Variants in COLEC10 observed in about 807,000 individuals in gnomAD.
The protein encoded by COLEC10 is collectin subfamily member 10.
COLEC10 carries 22 observed loss-of-function variants against 28.4 expected under a neutral mutation model. That is an observed-to-expected ratio of 0.78 (90% confidence interval 0.55 to 1.11). COLEC10 has a LOEUF of 1.11. COLEC10 is among the 50% of genes least tolerant of loss of function. The pLI, the probability that COLEC10 is intolerant of heterozygous loss-of-function variation, is 0.00. For missense variants in COLEC10, 361 were observed against 344.1 expected (o/e 1.05, Z -0.39); for synonymous variants, 125 against 116.1 (o/e 1.08, Z -0.49).
At chr8:119,096,429 T>TTCTCAG in intron 3 of COLEC10, among the ~76,000 whole-genome samples, 2 of 151,950 alleles carry the variant, frequency 1.3e-5, no homozygotes, top group Non-Finnish European at 2.9e-5. Context: ...CCATCTCTAC[T>TTCTCAG]AAAAATGCAA....
chr8:119,066,890 G>A (rs1451721999), upstream of COLEC10, among the ~76,000 whole-genome samples: 2 of 152,128 alleles, frequency 1.3e-5, no homozygotes, highest in African/African-American at 2.4e-5. Flanking sequence ...ATAACATGTT[G>A]CTAACTGAAG....
intron 3 of COLEC10, among the ~76,000 whole-genome samples, chr8:119,092,605 T>C (rs916990436): frequency 2.0e-5 from 3 of 152,282 alleles, no homozygotes; most frequent in Middle Eastern, 3.4e-3. Context: ...AAGATAGAAC[T>C]TTCTTAAAAA....
chr8:119,101,649 T>C (rs935137827), intron 3 of COLEC10, among the ~76,000 whole-genome samples: 1 of 152,204 alleles, frequency 6.6e-6, no homozygotes, highest in Non-Finnish European at 1.5e-5. Context: ...ATCACTTCAC[T>C]TCTAAAAATT....
chr8:118,961,550 A>AT, the COLEC10 span, among the ~76,000 whole-genome samples: 45 of 152,242 alleles, frequency 3.0e-4, no homozygotes, highest in African/African-American at 1.0e-3. Context: ...TGCCACGCTG[A>AT]TTTTGCTATG....
At chr8:118,992,575 G>A (rs902070702), upstream of COLEC10, among the ~76,000 whole-genome samples, 1 of 152,018 alleles carries the variant, frequency 6.6e-6, no homozygotes. Context: ...AAAAGGACAG[G>A]GAAGCCAAAT....
At chr8:118,982,327 AAG>A in the COLEC10 span, among the ~76,000 whole-genome samples, 1 of 152,140 alleles carries the variant, frequency 6.6e-6, no homozygotes, top group African/African-American at 2.4e-5. Flanking sequence ...AGTGCACAAA[AAG>A]AAAAACTCAA....
chr8:119,084,343 C>T (rs965593625), intron 1 of COLEC10, among the ~76,000 whole-genome samples: 2 of 152,198 alleles, frequency 1.3e-5, no homozygotes, highest in African/African-American at 4.8e-5. Context: ...ATCAATACGT[C>T]ATCCCACCTT....
intron 2 of COLEC10, among the ~76,000 whole-genome samples, chr8:119,024,577 C>T (rs1364654814): frequency 1.3e-4 from 11 of 86,654 alleles, no homozygotes; most frequent in Admixed American, 1.1e-3. Context: ...TATATGCACA[C>T]ATACACACAC....
intron 2 of COLEC10, among the ~76,000 whole-genome samples, chr8:119,016,513 A>G (rs148501719): frequency 0.044 from 6,707 of 152,152 alleles, 220 homozygotes; most frequent in East Asian, 0.16. Context: ...TTATAGTACA[A>G]TGATTTATAA....
upstream of COLEC10, among the ~76,000 whole-genome samples, chr8:118,992,153 C>T (rs1586985899): frequency 6.6e-6 from 1 of 152,098 alleles, no homozygotes; most frequent in African/African-American, 2.4e-5. Flanking sequence ...TGAGGAAATA[C>T]ATGTAAAGGT....
At chr8:118,976,524 G>A in the COLEC10 span, 3 of 152,172 alleles carry the variant, frequency 2.0e-5, no homozygotes, top group East Asian at 3.9e-4. Flanking sequence ...TGCTCGCTTC[G>A]GCAGCACATA....
chr8:119,067,246 C>A, upstream of COLEC10: 1 of 1,605,446 alleles, frequency 6.2e-7, no homozygotes, highest in Non-Finnish European at 8.5e-7. Flanking sequence ...GTTTATTTGG[C>A]ATTTCTGGGA....
At chr8:118,985,071 T>TG in the COLEC10 span, among the ~76,000 whole-genome samples, 27 of 151,680 alleles carry the variant, frequency 1.8e-4, no homozygotes, top group Non-Finnish European at 5.9e-5. Flanking sequence ...AGATTTGGGG[T>TG]GGGGGGGACA....
rs188312319 is a variant in COLEC10, at chr8:119,029,147, A to G, written n.235+19594A>G. ...AGTGGTTCAGAGCACAGGGTTCCCA[A>G]AGGGATTTCTAACCTGTATTAAGCC... On this transcript the variant is annotated intron_variant and non_coding_transcript_variant, in intron 2 of 6. Transcript: ENST00000521788. 1.1e-4 allele frequency among the ~76,000 whole-genome samples: 16 copies of G among 152,254 alleles called. No homozygotes were observed. In the East Asian group the frequency reaches 3.1e-3, roughly 29 times the overall value.
the COLEC10 span, among the ~76,000 whole-genome samples, chr8:118,977,347 AC>A: frequency 6.7e-6 from 1 of 149,222 alleles, no homozygotes; most frequent in South Asian, 2.2e-4. Flanking sequence ...CTTGGAACCA[AC>A]CCAAATGTCC....
the COLEC10 span, among the ~76,000 whole-genome samples, chr8:118,958,200 A>G: frequency 6.6e-6 from 1 of 152,220 alleles, no homozygotes; most frequent in African/African-American, 2.4e-5. Flanking sequence ...TCTCAGGTGC[A>G]TGAAATGGCC....
intron 1 of COLEC10, among the ~76,000 whole-genome samples, chr8:119,001,621 C>G (rs1161583824): frequency 6.6e-6 from 1 of 152,110 alleles, no homozygotes; most frequent in African/African-American, 2.4e-5. Context: ...TTAGTAGGCC[C>G]TCCAAGGCTT....
chr8:118,962,441 C>G, the COLEC10 span, among the ~76,000 whole-genome samples: 2 of 152,166 alleles, frequency 1.3e-5, no homozygotes, highest in South Asian at 4.1e-4. Context: ...TTTTTTACAG[C>G]TTTATTGAGG....
At chr8:118,968,471 G>A in the COLEC10 span, among the ~76,000 whole-genome samples, 1 of 151,836 alleles carries the variant, frequency 6.6e-6, no homozygotes, top group Non-Finnish European at 1.5e-5. Context: ...TAGATTGTAA[G>A]CTCCACAGCA....
Sources: gnomAD v4.1 joint callset for allele counts (sites outside exome capture counted in the v4.1 genomes callset) on GRCh38, gnomAD v4.1.1 for gene constraint, MANE v1.5 for transcripts, NCBI Gene and HGNC (gene_info 2026-07-23, HGNC 2026-07-21) for gene names.